The following SLC12A4 variants were observed in gnomAD, a reference collection of about 807,000 sequenced individuals.
SLC12A4 encodes the protein solute carrier family 12 member 4.
A neutral mutation model predicts 119.2 loss-of-function variants in SLC12A4; 84 were observed. The observed-to-expected ratio is 0.70, with a 90% CI of 0.59 to 0.85. The LOEUF (loss-of-function observed/expected upper bound fraction) is 0.85, where lower values mean the gene tolerates loss of function less well. Ranked by LOEUF, SLC12A4 falls within the 40% of genes least tolerant of loss-of-function variation. SLC12A4 has a pLI of 0.00. For synonymous variants in SLC12A4, 599 were observed against 604.6 expected, an observed-to-expected ratio of 0.99 and a Z score of 0.14; for missense variants, 1,298 against 1,476.3, an observed-to-expected ratio of 0.88 and a Z score of 1.98.
chr16:67,962,312 C>G (rs1311174114), intron 2 of SLC12A4: 1 of 152,376 alleles, frequency 6.6e-6, no homozygotes, highest in African/African-American at 2.4e-5. Flanking sequence ...AGGCCTTCAC[C>G]GCAGAACCTT....
Position 67,949,460 on chromosome 16 carries a change from A to AC in SLC12A4, c.1748+339_1748+340insG, listed in dbSNP as rs2058388603. On this transcript the variant is annotated intron_variant, in intron 13 of 23. Transcript: ENST00000316341. This position sits in a 1 kb window ranked among gnomAD's most constrained non-coding sequence, Gnocchi z 4.6. ...AGTGAGACTCTGTCTCAAAAAAAAA[A>AC]AACAAAAACCAAAAAACAAACTAAC... The AC allele has an allele frequency of 5.3e-6, 1 of 189,556 alleles. No homozygotes were observed. The highest frequency in any genetic ancestry group is 2.4e-5 in the African/African-American group (1 of 42,072). 11.7% of individuals were successfully genotyped at this position (189,556 alleles called of 1,614,324 possible). A position where few individuals can be genotyped will look rare whatever the true frequency, so the allele number is the denominator to read the frequency against.
At chr16:67,963,285 C>A in intron 2 of SLC12A4, 180 bp downstream of exon 2, 1 of 401,378 alleles carries the variant, frequency 2.5e-6, no homozygotes, top group Non-Finnish European at 4.5e-6. Flanking sequence ...TGAGTGGCCT[C>A]TGGAAAGGCA....
At position 67,947,047 on chromosome 16, in the gene SLC12A4, G is replaced by A; in HGVS notation, c.2131C>T (p.Leu711Phe). The A allele has an allele frequency of 6.2e-7, 1 of 1,612,258 alleles. No homozygotes were observed. The highest frequency in any genetic ancestry group is 8.5e-7 in the Non-Finnish European group (1 of 1,179,894). The part of the protein sequence containing the change: ...DEDLHVKYPR[L>F]LTFASQLKAG... ...TTGAGCTGGGAGGCGAAGGTGAGGA[G>A]CCGCGGGTACTTCACGTGGAGGTCC... Residue 711 changes from leucine (L) to phenylalanine (F), a missense_variant, in exon 17 of 24, where the codon CTC (leucine) becomes TTC (phenylalanine). Coordinates refer to ENST00000316341, the MANE Select transcript of SLC12A4 (RefSeq NM_005072.5).
intron 3 of SLC12A4, among the ~76,000 whole-genome samples, chr16:67,958,802 C>T (rs1487033972): frequency 6.6e-6 from 1 of 152,084 alleles, no homozygotes; most frequent in Non-Finnish European, 1.5e-5. Context: ...GTCGGCCCTG[C>T]CTCACGGCCT....
intron 6 of SLC12A4, chr16:67,954,111 C>T (rs1163371411): frequency 2.5e-6 from 1 of 396,662 alleles, no homozygotes; most frequent in South Asian, 1.7e-5. Context: ...TGCCTCTTCT[C>T]CCACTGGTAC....
chr16:67,945,588 T>A (rs140531124), intron 21 of SLC12A4, 35 bp from the exon 22 acceptor site: 3 of 1,598,524 alleles, frequency 1.9e-6, no homozygotes, highest in South Asian at 1.1e-5. Context: ...CTTGGTCCCA[T>A]AGGAAAAGGG....
chr16:67,955,822 TGAGCC>T (rs1217542568), intron 5 of SLC12A4, among the ~76,000 whole-genome samples: 1 of 150,548 alleles, frequency 6.6e-6, no homozygotes, highest in Non-Finnish European at 1.5e-5. Flanking sequence ...GAGGGTGCAG[TGAGCC>T]GAGATCATGC....
intron 1 of SLC12A4, among the ~76,000 whole-genome samples, chr16:67,967,374 T>G (rs1224571694): frequency 6.6e-6 from 1 of 152,134 alleles, no homozygotes. Flanking sequence ...TTATCATCAG[T>G]CAAATCACCA....
chr16:67,967,536 C>A (rs543064667), intron 1 of SLC12A4, among the ~76,000 whole-genome samples: 1 of 152,308 alleles, frequency 6.6e-6, no homozygotes, highest in South Asian at 2.1e-4. Flanking sequence ...TGTCCTCAGC[C>A]GTGTTCGTGC....
At chr16:67,958,456 TCCTA>T (rs1440712541) in intron 3 of SLC12A4, among the ~76,000 whole-genome samples, 2 of 152,068 alleles carry the variant, frequency 1.3e-5, no homozygotes, top group Non-Finnish European at 2.9e-5. Flanking sequence ...AGACACTAAC[TCCTA>T]CCCAGTCTGT....
intron 1 of SLC12A4, 37 bp downstream of exon 1, chr16:67,968,402 C>A (rs1417568634): frequency 2.0e-6 from 3 of 1,523,128 alleles, no homozygotes; most frequent in Non-Finnish European, 2.6e-6. Context: ...TGGCAGGCCC[C>A]GCTGCCCCGC....
chr16:67,954,539 G>T, intron 6 of SLC12A4, 104 bp downstream of exon 6: 3 of 1,399,030 alleles, frequency 2.1e-6, no homozygotes, highest in Admixed American at 3.8e-5. Context: ...TAATACCCAG[G>T]CCTTGGCCAG....
At chr16:67,947,255 C>T in intron 16 of SLC12A4, 76 bp downstream of exon 16, 1 of 1,513,762 alleles carries the variant, frequency 6.6e-7, no homozygotes, top group Non-Finnish European at 9.0e-7. Flanking sequence ...GGGGAGCCGG[C>T]ACCTCTCGAC....
Position 67,944,539 on chromosome 16 carries a change from G to T in SLC12A4, c.*301C>A. 7.7e-7 allele frequency: 1 copy of T among 1,290,880 alleles called. No homozygotes were observed. Among genetic ancestry groups the T allele is most frequent in the Non-Finnish European group, 9.8e-7 (1 of 1,018,674 alleles). The allele number at this position is 1,290,880 out of a possible 1,614,324, so 80.0% of individuals were successfully genotyped here. ...TGCAATAAATAGCGCTCCTGGGCTGGGCCGGGCCGGCTGCCTTCAAACCCC... is the reference window on the plus strand; with the variant it reads ...TGCAATAAATAGCGCTCCTGGGCTGTGCCGGGCCGGCTGCCTTCAAACCCC... On this transcript the variant is annotated 3_prime_UTR_variant, in exon 24 of 24. Transcript: ENST00000316341. This position sits in a 1 kb window ranked among gnomAD's most constrained non-coding sequence, Gnocchi z 6.6.
At chr16:67,961,461 T>A in intron 3 of SLC12A4, 114 bp downstream of exon 3, 1 of 1,460,298 alleles carries the variant, frequency 6.8e-7, no homozygotes, top group Non-Finnish European at 9.3e-7. Flanking sequence ...CTGCTCACTA[T>A]GCTTGGCACC....
At position 67,951,203 on chromosome 16, in the gene SLC12A4, C is replaced by A. The variant is rs1043690021; in HGVS notation, c.1234G>T (p.Val412Leu). 3 of 1,614,108 alleles carry A rather than the reference C, an allele frequency of 1.9e-6. No individual in the cohort carries two copies. The highest frequency in any genetic ancestry group is 3.3e-5 in the Admixed American group (2 of 60,028). ...PSLKESLPLY[V>L]VADIATSFTV... ...AAGGATGTGGCGATGTCAGCGACCA[C>A]GTACAGAGGCAGGCTCTCCTTCAGG... Residue 412 changes from valine (V) to leucine (L), a missense_variant, in exon 9 of 24, where the codon GTG becomes TTG. By Grantham distance (32) the Val-to-Leu change is conservative. Coordinates refer to ENST00000316341, the MANE Select transcript of SLC12A4 (RefSeq NM_005072.5). The surrounding 1 kb of genome is among the most constrained non-coding windows in gnomAD (Gnocchi z 5.2).
intron 1 of SLC12A4, chr16:67,964,053 C>T: frequency 6.5e-7 from 1 of 1,550,150 alleles, no homozygotes; most frequent in Non-Finnish European, 8.7e-7. Flanking sequence ...GGCTGGCTAC[C>T]CCACCATGCA....
chr16:67,947,419 C>G lies in SLC12A4; in HGVS notation c.1984G>C (p.Gly662Arg). 1 of 1,612,462 alleles carries G rather than the reference C, an allele frequency of 6.2e-7. No individual in the cohort carries two copies. The highest frequency in any genetic ancestry group is 8.5e-7 in the Non-Finnish European group (1 of 1,179,752). Reference sequence around the variant, plus strand: ...AGGGACAGGCCTCGGATCCCGTCACCCCACTCCTTCTCAGCCCTGCAGATT... The same window carrying G: ...AGGGACAGGCCTCGGATCCCGTCACGCCACTCCTTCTCAGCCCTGCAGATT... ...IEYQGAEKEW[G>R]DGIRGLSLSA... Residue 662 changes from glycine (G) to arginine (R), a missense_variant, in exon 16 of 24, where the codon GGT becomes CGT. Coordinates refer to ENST00000316341, the MANE Select transcript of SLC12A4 (RefSeq NM_005072.5).
intron 1 of SLC12A4, 63 bp downstream of exon 1, chr16:67,968,376 G>A: frequency 7.0e-7 from 1 of 1,428,344 alleles, no homozygotes; most frequent in East Asian, 2.9e-5. Context: ...CGCGGGCCCG[G>A]GATGGCGGCC....
Sources: gnomAD v4.1 joint callset for allele counts (sites outside exome capture counted in the v4.1 genomes callset) on GRCh38, gnomAD v4.1.1 for gene constraint, Gnocchi (gnomAD v3.1) non-coding constraint, MANE v1.5 for transcripts, NCBI Gene and HGNC (gene_info 2026-07-23, HGNC 2026-07-21) for gene names.